Variants in PHACTR1 observed in about 807,000 individuals in gnomAD.
PHACTR1 encodes the protein phosphatase and actin regulator 1.
A neutral mutation model predicts 69.2 loss-of-function variants in PHACTR1; 16 were observed. The ratio of observed to expected loss-of-function variants is 0.23; its 90% confidence interval spans 0.16 to 0.35. The LOEUF is 0.35. PHACTR1 is among the 10% of genes least tolerant of loss of function. The pLI is 1.00. For synonymous variants in PHACTR1, 312 were observed against 284.5 expected (o/e 1.10, Z -0.97); for missense variants, 510 against 734.7 (o/e 0.69, Z 3.54).
At chr6:12,979,165 G>C (rs1795213805) in intron 4 of PHACTR1, among the ~76,000 whole-genome samples, 2 of 152,210 alleles carry the variant, frequency 1.3e-5, no homozygotes, top group Non-Finnish European at 2.9e-5. Context: ...GTGTTGGCCA[G>C]AGACTGTCAT....
At chr6:12,882,592 AAT>A (rs1225458597) in intron 4 of PHACTR1, among the ~76,000 whole-genome samples, 4 of 152,242 alleles carry the variant, frequency 2.6e-5, no homozygotes, top group Non-Finnish European at 5.9e-5. Context: ...AGAATGTGAA[AAT>A]AATCAGAGAG....
intron 4 of PHACTR1, among the ~76,000 whole-genome samples, chr6:13,006,206 A>G (rs936609820): frequency 2.0e-5 from 3 of 152,174 alleles, no homozygotes; most frequent in African/African-American, 7.2e-5. Context: ...TCCCTGTTCT[A>G]TTTACTACCA....
intron 12 of PHACTR1, chr6:13,280,092 T>C (rs1436530313): frequency 6.6e-6 from 1 of 152,234 alleles, no homozygotes; most frequent in African/African-American, 2.4e-5. Flanking sequence ...AAAGTTGATA[T>C]GATTTTGCGG....
At chr6:12,968,760 G>A (rs533458248) in intron 4 of PHACTR1, among the ~76,000 whole-genome samples, 1 of 152,172 alleles carries the variant, frequency 6.6e-6, no homozygotes, top group East Asian at 1.9e-4. Flanking sequence ...GACACAAATG[G>A]ACTCCACTGA....
At chr6:13,247,712 G>A (rs971220185) in intron 10 of PHACTR1, among the ~76,000 whole-genome samples, 3 of 152,066 alleles carry the variant, frequency 2.0e-5, no homozygotes, top group Admixed American at 1.3e-4. Context: ...ATGACATTGT[G>A]GAAGCTAGGC....
chr6:13,109,833 CGTGT>C (rs58370068), intron 5 of PHACTR1, among the ~76,000 whole-genome samples: 65 of 146,158 alleles, frequency 4.4e-4, no homozygotes, highest in African/African-American at 1.0e-3. Flanking sequence ...ATTTTTTCAG[CGTGT>C]GTGTGTGTGT....
At chr6:13,168,535 C>A (rs148505424) in intron 6 of PHACTR1, among the ~76,000 whole-genome samples, 1 of 152,192 alleles carries the variant, frequency 6.6e-6, no homozygotes, top group South Asian at 2.1e-4. Context: ...CCAAGCCAGG[C>A]GTCTCTGGCT....
chr6:13,020,318 C>G (rs532751997), intron 4 of PHACTR1, among the ~76,000 whole-genome samples: 1 of 152,238 alleles, frequency 6.6e-6, no homozygotes, highest in East Asian at 1.9e-4. Context: ...ATACCCAAGT[C>G]CAGAGGAAGG....
chr6:12,743,541 T>C (rs1165234647), intron 3 of PHACTR1, among the ~76,000 whole-genome samples: 2 of 152,194 alleles, frequency 1.3e-5, no homozygotes, highest in Non-Finnish European at 2.9e-5. Flanking sequence ...GGTCCCTAGA[T>C]AACCTGGGGC....
chr6:12,969,551 A>G (rs1463402174), intron 4 of PHACTR1, among the ~76,000 whole-genome samples: 1 of 152,218 alleles, frequency 6.6e-6, no homozygotes, highest in East Asian at 1.9e-4. Flanking sequence ...AGACCAGCCC[A>G]GGCAATGTGG....
chr6:12,933,884 T>A (rs770803297), intron 4 of PHACTR1: 1 of 1,612,212 alleles, frequency 6.2e-7, no homozygotes, highest in Non-Finnish European at 8.5e-7. Flanking sequence ...GGGGGAAGAG[T>A]TTGGCTGAGA....
chr6:13,260,281 C>T (rs1775736008), intron 10 of PHACTR1, among the ~76,000 whole-genome samples: 1 of 152,186 alleles, frequency 6.6e-6, no homozygotes, highest in African/African-American at 2.4e-5. Context: ...ACTACTACCT[C>T]TGCCTGGTAG....
intron 4 of PHACTR1, among the ~76,000 whole-genome samples, chr6:12,815,349 G>C (rs1775464461): frequency 6.6e-6 from 1 of 152,008 alleles, no homozygotes; most frequent in Non-Finnish European, 1.5e-5. Context: ...TCCTATCTCT[G>C]TTGAGAACCT....
At chr6:13,098,055 T>C (rs984085497) in intron 5 of PHACTR1, among the ~76,000 whole-genome samples, 8 of 152,160 alleles carry the variant, frequency 5.3e-5, no homozygotes, top group Non-Finnish European at 5.9e-5. Context: ...TATTACTAGA[T>C]CCTTCCTCTA....
At chr6:12,893,409 T>A (rs1414166831) in intron 4 of PHACTR1, among the ~76,000 whole-genome samples, 1 of 152,236 alleles carries the variant, frequency 6.6e-6, no homozygotes, top group Non-Finnish European at 1.5e-5. Context: ...ACAATTTTTT[T>A]AAATGCTGCT....
At chr6:13,034,736 A>C (rs1803040735) in intron 4 of PHACTR1, among the ~76,000 whole-genome samples, 1 of 152,226 alleles carries the variant, frequency 6.6e-6, no homozygotes, top group African/African-American at 2.4e-5. Context: ...TCCTGAATTG[A>C]ATCTTTCTTG....
At chr6:12,844,606 G>A (rs1779020725) in intron 4 of PHACTR1, among the ~76,000 whole-genome samples, 1 of 152,056 alleles carries the variant, frequency 6.6e-6, no homozygotes. Context: ...TGGTAGGCAA[G>A]TGTTCAATAA....
Position 13,287,049 on chromosome 6 carries a change from G to A in PHACTR1, c.1728-14G>A, listed in dbSNP as rs2127503434. On this transcript the variant is annotated splice_polypyrimidine_tract_variant and intron_variant, in intron 14 of 14. Coordinates refer to ENST00000332995, the MANE Select transcript of PHACTR1 (RefSeq NM_030948.6). ...GCAGCCCCTTGGTCTTGATGTAATT[G>A]TTTGTTTCCTTAGGTTTCACCGACC... 6.2e-7 allele frequency: 1 copy of A among 1,607,700 alleles called. No individual in the cohort carries two copies. Among genetic ancestry groups the A allele is most frequent in the Non-Finnish European group, 8.5e-7 (1 of 1,176,854 alleles).
At chr6:12,906,798 C>G (rs1434054754) in intron 4 of PHACTR1, among the ~76,000 whole-genome samples, 1 of 152,182 alleles carries the variant, frequency 6.6e-6, no homozygotes, top group Non-Finnish European at 1.5e-5. Flanking sequence ...CAAAAGAACT[C>G]CAATTGGCTC....
Sources: gnomAD v4.1 joint callset for allele counts (sites outside exome capture counted in the v4.1 genomes callset) on GRCh38, gnomAD v4.1.1 for gene constraint, MANE v1.5 for transcripts, NCBI Gene and HGNC (gene_info 2026-07-23, HGNC 2026-07-21) for gene names.